The following RRN3 variants were observed in gnomAD, a reference collection of about 807,000 sequenced individuals.
RRN3 encodes the protein RNA polymerase I-specific transcription initiation factor RRN3.
A neutral mutation model predicts 82.3 loss-of-function variants in RRN3; 38 were observed. The ratio of observed to expected loss-of-function variants is 0.46; its 90% CI spans 0.36 to 0.61. RRN3 has a LOEUF of 0.61. Among genes scored for constraint, RRN3 ranks in the 20% least tolerant of loss-of-function variants. The probability of loss-of-function intolerance (pLI) is 0.00; values close to 1 mark genes in which losing one functional copy is unlikely to be tolerated. For synonymous variants in RRN3, 284 were observed against 284.3 expected (o/e 1.00, Z 0.01); for missense variants, 726 against 793.1 (o/e 0.92, Z 1.02).
Position 15,085,645 on chromosome 16 carries a change from C to G in RRN3, c.526G>C (p.Asp176His), listed in dbSNP as rs769530774. The G allele has an allele frequency of 6.8e-6, 11 of 1,613,262 alleles. No individual in the cohort carries two copies. The highest frequency in any genetic ancestry group is 9.3e-6 in the Non-Finnish European group (11 of 1,179,512). Residue 176 changes from aspartate to histidine, a missense_variant, in exon 6 of 18, where the codon GAT (aspartate) becomes CAT (histidine). Asp to His is a moderately conservative substitution (Grantham distance 81). This residue lies in a region of RRN3 where 344 missense variants were observed against 394.5 expected (regional missense o/e 0.87). Transcript: ENST00000198767. Reference protein sequence around the residue: ...DVDVSDSDDEDDNLPANFDTC... With the variant: ...DVDVSDSDDEHDNLPANFDTC... Reference sequence around the variant, plus strand: ...TAAACCTTTTTATACTTACTATCATCTTCATCATCAGAATCTGAAACATCT... The same window carrying G: ...TAAACCTTTTTATACTTACTATCATGTTCATCATCAGAATCTGAAACATCT...
At chr16:15,076,128 A>G (rs2045445097) in intron 10 of RRN3, among the ~76,000 whole-genome samples, 1 of 151,726 alleles carries the variant, frequency 6.6e-6, no homozygotes, top group Admixed American at 6.6e-5. Flanking sequence ...GCTCCCTGAC[A>G]CCCTCTGTCC....
chr16:15,089,597 G>A lies in RRN3; in HGVS notation c.252+1718C>T, dbSNP rs75826971. Among the ~76,000 whole-genome samples, 742 of 150,010 alleles carry A rather than the reference G, an allele frequency of 4.9e-3. 5 individuals are homozygous for A. Among genetic ancestry groups the A allele is most frequent in the African/African-American group, 0.017 (708 of 40,892 alleles). On this transcript the variant is annotated intron_variant, in intron 3 of 17. Coordinates refer to ENST00000198767, the MANE Select transcript of RRN3 (RefSeq NM_018427.5). ...GGGCGGATCACGAGGTCAGAAGATC[G>A]AGACCATCCTGGCTAACATGGTGAA...
At chr16:15,066,970 G>A (rs917638177) in intron 15 of RRN3, among the ~76,000 whole-genome samples, 21 of 151,524 alleles carry the variant, frequency 1.4e-4, no homozygotes, top group Non-Finnish European at 1.9e-4. Flanking sequence ...TCCCCACCCC[G>A]AGAACATACC....
chr16:15,068,046 C>A, intron 15 of RRN3, 123 bp downstream of exon 15: 2 of 939,974 alleles, frequency 2.1e-6, no homozygotes, highest in South Asian at 1.8e-5. Context: ...CAGGTGTCAG[C>A]CACCACGCCT....
intron 10 of RRN3, 101 bp from the exon 11 acceptor site, chr16:15,074,962 CAA>C: frequency 8.1e-7 from 1 of 1,237,746 alleles, no homozygotes; most frequent in South Asian, 1.6e-5. Flanking sequence ...AAAGATAAAA[CAA>C]AGAGGCTGGG....
rs1447852372 is a variant in RRN3 at position 15,083,595 on chromosome 16, A to T, written c.597-13T>A. ...AAACCACGGTGTCCTATTTTTAAAA[A>T]ATTAAATCAATCCATGTTAACTTTA... On this transcript the variant is annotated splice_polypyrimidine_tract_variant and intron_variant, in intron 7 of 17. Transcript: ENST00000198767. 1 of 1,592,592 alleles carries T rather than the reference A, an allele frequency of 6.3e-7. No homozygotes were observed. Among genetic ancestry groups the T allele is most frequent in the Non-Finnish European group, 8.5e-7 (1 of 1,172,772 alleles).
chr16:15,071,587 G>C (rs944260070), intron 12 of RRN3, among the ~76,000 whole-genome samples: 2 of 152,132 alleles, frequency 1.3e-5, no homozygotes. Flanking sequence ...GGCCAACATG[G>C]AGAAACCCTG....
At chr16:15,088,360 G>A (rs181303083) in intron 3 of RRN3, among the ~76,000 whole-genome samples, 44 of 152,110 alleles carry the variant, frequency 2.9e-4, no homozygotes, top group Middle Eastern at 3.4e-3. Context: ...CCAGATGCTC[G>A]GGAGCCTGAG....
intron 2 of RRN3, among the ~76,000 whole-genome samples, chr16:15,092,023 A>T (rs1228339333): frequency 8.0e-5 from 12 of 149,854 alleles, no homozygotes; most frequent in Admixed American, 2.0e-4. Context: ...CTAAAAAAAT[A>T]AAAAAATTAG....
In RRN3 at chr16:15,063,176, T is replaced by G. The variant is rs537378199; in HGVS notation, c.1794+20A>C. ...CAGAAAGGAGATTCCGAGAGTGTGC[T>G]CAATCAATCACAAACTGACCTTTTT... is the stretch of plus-strand genomic sequence containing the variant. On this transcript the variant is annotated intron_variant, in intron 17 of 17. Coordinates refer to ENST00000198767, the MANE Select transcript of RRN3 (RefSeq NM_018427.5). 61 of 1,499,358 alleles carry G rather than the reference T, an allele frequency of 4.1e-5. No individual in the cohort carries two copies. In the South Asian group the frequency reaches 5.9e-4, roughly 14 times the overall value. The allele number at this position is 1,499,358 out of a possible 1,614,324, so 92.9% of individuals were successfully genotyped here.
Position 15,086,131 on chromosome 16 carries a change from G to C in RRN3, c.470C>G (p.Pro157Arg). 1.2e-6 allele frequency: 2 copies of C among 1,602,706 alleles called. No individual in the cohort carries two copies. The highest frequency in any genetic ancestry group is 1.7e-6 in the Non-Finnish European group (2 of 1,176,078). Residue 157 changes from proline (P) to arginine (R), a missense_variant and splice_region_variant, in exon 5 of 18, where the codon CCT (proline) becomes CGT (arginine). Pro to Arg is a moderately radical substitution (Grantham distance 103). Around this residue, in one of 4 missense-constraint regions of RRN3, gnomAD observed 344 missense variants for 394.5 expected, o/e 0.87. Transcript: ENST00000198767. ...CLSMIASHFV[P>R]PRVIIKEGDV... ...TAAAATTCCAAGCAATGACTTACGA[G>C]GCACAAAATGGGAAGCAATCATGCT...
intron 16 of RRN3, 37 bp from the exon 17 acceptor site, chr16:15,063,320 T>A: frequency 1.3e-6 from 2 of 1,496,140 alleles, no homozygotes; most frequent in Non-Finnish European, 9.3e-7. Context: ...TCAAGTTAAA[T>A]ACTTCGGCAG....
rs2045765008 is a variant in RRN3, at chr16:15,082,934, C to T, written c.666+579G>A. On this transcript the variant is annotated intron_variant, in intron 8 of 17. Coordinates refer to ENST00000198767, the MANE Select transcript of RRN3 (RefSeq NM_018427.5). ...CTATTATCTTCTAGTAATTCTTGTC[C>T]ATATGAGCATAAAGCCACTACAGAT... Among the ~76,000 whole-genome samples the T allele has an allele frequency of 2.6e-5, 4 of 152,258 alleles. No homozygotes were observed. The South Asian group carries it at 8.3e-4, about 32-fold the overall frequency.
chr16:15,074,115 T>G (rs983785774), intron 11 of RRN3, among the ~76,000 whole-genome samples: 16 of 152,212 alleles, frequency 1.1e-4, no homozygotes, highest in African/African-American at 3.9e-4. Context: ...TTAAATTGTT[T>G]TTATCCTTTC....
intron 1 of RRN3, among the ~76,000 whole-genome samples, chr16:15,093,451 T>C (rs1363665972): frequency 6.6e-6 from 1 of 152,226 alleles, no homozygotes; most frequent in Non-Finnish European, 1.5e-5. Context: ...TTGGCCTATG[T>C]ACTGCCTTTC....
chr16:15,073,045 G>C lies in RRN3; in HGVS notation c.1033C>G (p.Arg345Gly), dbSNP rs745423001. ...TTGTCAAAGATGTTTATCAGGTCGC[G>C]ATATAGATCCTTTGTTTTGCCGTTA... ...VDNGKTKDLY[R>G]DLINIFDKLL... The change falls in exon 12 of 18, where the codon CGC (arginine) becomes GGC (glycine). Residue 345 changes from arginine (R) to glycine (G), a missense_variant. Arg to Gly is a moderately radical substitution (Grantham distance 125, BLOSUM62 -2). Around this residue, in one of 4 missense-constraint regions of RRN3, gnomAD observed 344 missense variants for 394.5 expected, o/e 0.87. Coordinates refer to ENST00000198767, the MANE Select transcript of RRN3 (RefSeq NM_018427.5). 2.5e-5 allele frequency: 41 copies of C among 1,612,384 alleles called. No individual in the cohort carries two copies. Among genetic ancestry groups the C allele is most frequent in the Non-Finnish European group, 3.1e-5 (37 of 1,179,652 alleles).
intron 1 of RRN3, among the ~76,000 whole-genome samples, chr16:15,093,283 C>G (rs1452527181): frequency 1.3e-5 from 2 of 152,200 alleles, no homozygotes; most frequent in Non-Finnish European, 2.9e-5. Flanking sequence ...GGATTACAGG[C>G]GTGAGCAACC....
intron 3 of RRN3, among the ~76,000 whole-genome samples, chr16:15,090,564 A>C (rs2046090461): frequency 1.3e-5 from 2 of 152,236 alleles, no homozygotes; most frequent in Admixed American, 1.3e-4. Flanking sequence ...ACACCTGTGA[A>C]TAGCCAGAGC....
intron 1 of RRN3, 53 bp from the exon 2 acceptor site, chr16:15,092,667 T>C (rs2046184016): frequency 6.9e-6 from 8 of 1,158,190 alleles, no homozygotes; most frequent in Non-Finnish European, 1.3e-6. Flanking sequence ...ATAAAAATTA[T>C]AATAGCCAAC....
Sources: allele counts gnomAD v4.1 joint callset (sites outside exome capture counted in the v4.1 genomes callset), GRCh38; gene constraint gnomAD v4.1.1; regional missense constraint gnomAD v4.1.1; transcripts MANE v1.5; gene names NCBI Gene and HGNC (gene_info 2026-07-23, HGNC 2026-07-21).